Variants in NOS2 observed in about 807,000 individuals in gnomAD.
NOS2 encodes nitric oxide synthase 2, also known as nitric oxide synthase, inducible.
NOS2 carries 96 observed loss-of-function variants against 136.0 expected under a neutral mutation model. That is an observed-to-expected ratio of 0.71 (90% CI 0.60 to 0.84). The LOEUF (loss-of-function observed/expected upper bound fraction) is 0.84, where lower values mean the gene tolerates loss of function less well. Ranked by LOEUF, NOS2 falls within the 40% of genes least tolerant of loss-of-function variation. The pLI is 0.00. For missense variants in NOS2, 1,237 were observed against 1,496.9 expected (o/e 0.83, Z 2.87); for synonymous variants, 539 against 587.5 (o/e 0.92, Z 1.20).
Position 27,778,601 on chromosome 17 carries a change from CTT to C in NOS2, c.1281+87_1281+88del, listed in dbSNP as rs968658357. ...TGGACCTCTAGAGTGAGCAAGGGGG[CTT>C]ACTTATAAATTAAGCATCACATAAG... On this transcript the variant is annotated intron_variant, in intron 11 of 26. Coordinates refer to ENST00000313735, the MANE Select transcript of NOS2 (RefSeq NM_000625.4). The C allele has an allele frequency of 4.6e-5, 48 of 1,049,250 alleles. No individual in the cohort carries two copies. In the African/African-American group the frequency reaches 6.5e-4, roughly 14 times the overall value. The allele number at this position is 1,049,250 out of a possible 1,614,324, so 65.0% of individuals were successfully genotyped here. A position where few individuals can be genotyped will look rare whatever the true frequency, so the allele number is the denominator to read the frequency against.
chr17:27,792,616 C>T (rs1053099639), intron 2 of NOS2, among the ~76,000 whole-genome samples: 1 of 151,974 alleles, frequency 6.6e-6, no homozygotes, highest in Non-Finnish European at 1.5e-5. Flanking sequence ...ACCCCGCAGA[C>T]GCTCGTGCAA....
At chr17:27,770,580 A>G (rs1908459927) in intron 15 of NOS2, among the ~76,000 whole-genome samples, 1 of 152,256 alleles carries the variant, frequency 6.6e-6, no homozygotes, top group Non-Finnish European at 1.5e-5. Flanking sequence ...AATAGTATCT[A>G]GCTAAAATTC....
rs771228942 is a variant in NOS2, at chr17:27,778,746, G to A, written c.1225C>T (p.Leu409Phe). The A allele has an allele frequency of 6.2e-7, 1 of 1,614,204 alleles. No homozygotes were observed. Among genetic ancestry groups the A allele is most frequent in the South Asian group, 1.1e-5 (1 of 91,088 alleles). The change falls in exon 11 of 27, where the codon CTC becomes TTC. Residue 409 changes from leucine to phenylalanine, a missense_variant. Transcript: ENST00000313735. ...TCAACGACAGCCTGGTCTTTCCAGA[G>A]CGAGGCCAGCTTGTGCGTTTCCAGG... is the stretch of plus-strand genomic sequence containing the variant. ...MGLETHKLASLWKDQAVVEIN... is the reference protein window; with the variant it reads ...MGLETHKLASFWKDQAVVEIN...
intron 7 of NOS2, 51 bp downstream of exon 7, chr17:27,781,964 G>C (rs779122787): frequency 6.6e-7 from 1 of 1,525,770 alleles, no homozygotes; most frequent in East Asian, 2.2e-5. Flanking sequence ...TTTTGGCTAA[G>C]ATTCTCAGGC....
chr17:27,794,168 A>G (rs989840382), intron 2 of NOS2, among the ~76,000 whole-genome samples: 28 of 152,188 alleles, frequency 1.8e-4, no homozygotes, highest in Non-Finnish European at 1.6e-4. Flanking sequence ...GATCTTGTCC[A>G]GGGCCACACA....
intron 1 of NOS2, among the ~76,000 whole-genome samples, chr17:27,799,295 A>G (rs1909456237): frequency 6.6e-6 from 1 of 152,200 alleles, no homozygotes; most frequent in African/African-American, 2.4e-5. Flanking sequence ...AGCAGCTCTC[A>G]TTATCAACTG....
In NOS2 at chr17:27,774,239, A is replaced by T; in HGVS notation, c.1476+18T>A. On this transcript the variant is annotated intron_variant, in intron 12 of 26. Transcript: ENST00000313735. The stretch of plus-strand genomic sequence containing the variant: ...ACATCTGAGCCCCCAGGAAGGAGAG[A>T]AGAGGAAGGCCCCTAACCTGATAGT... 1 of 1,439,426 alleles carries T rather than the reference A, an allele frequency of 6.9e-7. No individual in the cohort carries two copies. The highest frequency in any genetic ancestry group is 9.2e-7 in the Non-Finnish European group (1 of 1,091,042). The allele number at this position is 1,439,426 out of a possible 1,614,324, so 89.2% of individuals were successfully genotyped here. A position where few individuals can be genotyped will look rare whatever the true frequency, so the allele number is the denominator to read the frequency against.
intron 26 of NOS2, among the ~76,000 whole-genome samples, chr17:27,757,577 G>C (rs1228471195): frequency 6.6e-6 from 1 of 152,114 alleles, no homozygotes; most frequent in Non-Finnish European, 1.5e-5. Flanking sequence ...CCCATTTCCT[G>C]CCCAGCGTTC....
At position 27,759,061 on chromosome 17, in the gene NOS2, G is replaced by A. The variant is rs199962301; in HGVS notation, c.3174C>T (p.Asp1058=). ...LPGKPKVYVQ[D]ILRQQLASEV... is the part of the protein sequence containing the mutation. ...CGCTGGCCAGCTGCTGCCGCAGGATGTCCTGAACATAGACCTGAAACCAGA... is the reference window on the plus strand; with the variant it reads ...CGCTGGCCAGCTGCTGCCGCAGGATATCCTGAACATAGACCTGAAACCAGA... Residue 1058 remains aspartate (D), a synonymous_variant, in exon 26 of 27, where the codon GAC becomes GAT. Coordinates refer to ENST00000313735, the MANE Select transcript of NOS2 (RefSeq NM_000625.4). 22 of 1,600,520 alleles carry A rather than the reference G, an allele frequency of 1.4e-5. No individual in the cohort carries two copies. Among genetic ancestry groups the A allele is most frequent in the African/African-American group, 4.0e-5 (3 of 74,518 alleles).
intron 13 of NOS2, 21 bp from the exon 14 acceptor site, chr17:27,772,473 G>T: frequency 6.2e-7 from 1 of 1,613,310 alleles, no homozygotes; most frequent in Non-Finnish European, 8.5e-7. Flanking sequence ...AGACAGACAG[G>T]CAGGCGCTGT....
rs771080734 is a variant in NOS2, at chr17:27,780,898, G to A, written c.873C>T (p.Ile291=). 12 of 1,612,720 alleles carry A rather than the reference G, an allele frequency of 7.4e-6. No individual in the cohort carries two copies. Among genetic ancestry groups the A allele is most frequent in the Middle Eastern group, 1.6e-4 (1 of 6,076 alleles). Residue 291 remains isoleucine (I), a synonymous_variant, in exon 9 of 27, where the codon ATC becomes ATT. Coordinates refer to ENST00000313735, the MANE Select transcript of NOS2 (RefSeq NM_000625.4). ...CGTACTTGGGCTTCCAGCCCAGGTCGATGCACAGCTGGGGAACAAGACGGG... is the reference window on the plus strand; with the variant it reads ...CGTACTTGGGCTTCCAGCCCAGGTCAATGCACAGCTGGGGAACAAGACGGG... The part of the protein sequence containing the change: ...PANVEFTQLC[I]DLGWKPKYGR...
Position 27,770,790 on chromosome 17 carries a change from CG to C in NOS2, c.1809+122del, listed in dbSNP as rs542942793. ...AGGCCGGCAAATGACCTGAGTGACCCGGAGTGGCCTGAGCACTGACTCCCAA... is the reference window on the plus strand; with the variant it reads ...AGGCCGGCAAATGACCTGAGTGACCCGAGTGGCCTGAGCACTGACTCCCAA... On this transcript the variant is annotated intron_variant, in intron 15 of 26. Transcript: ENST00000313735. 7.6e-4 allele frequency: 488 copies of C among 638,904 alleles called. 3 individuals are homozygous for C. The highest frequency in any genetic ancestry group is 7.2e-3 in the African/African-American group (401 of 55,468). The allele number at this position is 638,904 out of a possible 1,614,324, so 39.6% of individuals were successfully genotyped here.
At chr17:27,776,677 G>GAAA (rs34069634) in intron 11 of NOS2, among the ~76,000 whole-genome samples, 14 of 78,108 alleles carry the variant, frequency 1.8e-4, no homozygotes, top group East Asian at 8.2e-4. Flanking sequence ...ATCTCCAAAG[G>GAAA]AAAAAAAAAA....
At chr17:27,789,826 C>T in intron 2 of NOS2, 138 bp from the exon 3 acceptor site, 1 of 608,980 alleles carries the variant, frequency 1.6e-6, no homozygotes, top group South Asian at 1.9e-5. Flanking sequence ...CATGGTCGGT[C>T]TGACCAACTG....
At chr17:27,776,661 G>A (rs999692068) in intron 11 of NOS2, among the ~76,000 whole-genome samples, 5 of 135,506 alleles carry the variant, frequency 3.7e-5, no homozygotes, top group African/African-American at 1.1e-4. Context: ...AATGGAGGGA[G>A]AGTTCATCTC....
At chr17:27,767,113 G>A (rs1908329942) in intron 18 of NOS2, among the ~76,000 whole-genome samples, 3 of 152,170 alleles carry the variant, frequency 2.0e-5, no homozygotes, top group African/African-American at 7.2e-5. Context: ...GAAAGTCCCG[G>A]GACATCTCCA....
intron 2 of NOS2, among the ~76,000 whole-genome samples, chr17:27,795,734 C>T (rs911699262): frequency 1.3e-5 from 2 of 152,188 alleles, no homozygotes; most frequent in African/African-American, 4.8e-5. Flanking sequence ...CCTTGTGGAT[C>T]GTTGGGAGAG....
At chr17:27,779,116 T>G in intron 9 of NOS2, 60 bp from the exon 10 acceptor site, 1 of 1,250,730 alleles carries the variant, frequency 8.0e-7, no homozygotes, top group Non-Finnish European at 1.0e-6. Flanking sequence ...TTATTATTAT[T>G]TTTTTTTTAG....
Position 27,762,848 on chromosome 17 carries a change from G to A in NOS2, c.2750C>T (p.Thr917Met), listed in dbSNP as rs199686103. ...FYSISSSRDH[T>M]PTEIHLTVAV... Reference sequence around the variant, plus strand: ...CACAGTCAGGTGGATCTCTGTGGGCGTGTGATCCCGGGAGGAGCTGATGGA... The same window carrying A: ...CACAGTCAGGTGGATCTCTGTGGGCATGTGATCCCGGGAGGAGCTGATGGA... The change falls in exon 22 of 27, where the codon ACG becomes ATG. Residue 917 changes from threonine to methionine, a missense_variant. By Grantham distance (81) the Thr-to-Met change is moderately conservative. Around this residue, in one of 3 missense-constraint regions of NOS2, gnomAD observed 782 missense variants for 909.9 expected, o/e 0.86. Coordinates refer to ENST00000313735, the MANE Select transcript of NOS2 (RefSeq NM_000625.4). The A allele has an allele frequency of 4.9e-5, 77 of 1,566,820 alleles. No individual in the cohort carries two copies. Among genetic ancestry groups the A allele is most frequent in the South Asian group, 4.8e-4 (41 of 84,884 alleles).
Sources: gnomAD v4.1 joint callset for allele counts (sites outside exome capture counted in the v4.1 genomes callset) on GRCh38, gnomAD v4.1.1 for gene constraint, gnomAD v4.1.1 regional missense constraint, MANE v1.5 for transcripts, NCBI Gene and HGNC (gene_info 2026-07-23, HGNC 2026-07-21) for gene names.